NRK: variants seen among roughly 807,000 people sequenced by gnomAD.
NRK encodes the protein nik-related protein kinase.
Under a neutral mutation model 125.2 loss-of-function variants are expected in NRK, and 67 were observed. The observed-to-expected ratio is 0.54, with a 90% CI of 0.44 to 0.66. The LOEUF is 0.66. Among genes scored for constraint, NRK ranks in the 30% least tolerant of loss-of-function variants. The pLI is 0.00. For missense variants in NRK, 1,224 were observed against 1,192.9 expected (o/e 1.03, Z -0.38); for synonymous variants, 458 against 429.0 (o/e 1.07, Z -0.84).
chrX:105,883,617 C>T (rs1188576001), intron 4 of NRK, among the ~76,000 whole-genome samples: 1 of 111,854 alleles, frequency 8.9e-6, no homozygotes, highest in Non-Finnish European at 1.9e-5. Context: ...CAGAGCCCAG[C>T]GCATCTCTTG....
intron 2 of NRK, among the ~76,000 whole-genome samples, chrX:105,872,701 C>A (rs138917187): frequency 9.0e-6 from 1 of 111,424 alleles, no homozygotes; most frequent in Non-Finnish European, 1.9e-5. Flanking sequence ...TGAAAACTTT[C>A]AAATACTAAC....
chrX:105,858,806 G>A (rs910715097), intron 2 of NRK, among the ~76,000 whole-genome samples: 1 of 111,261 alleles, frequency 9.0e-6, no homozygotes, highest in Non-Finnish European at 1.9e-5. Flanking sequence ...ACATCTGTTC[G>A]CCTATATTAG....
intron 19 of NRK, among the ~76,000 whole-genome samples, chrX:105,930,267 T>C (rs907183930): frequency 1.2e-4 from 13 of 111,071 alleles, no homozygotes; most frequent in Non-Finnish European, 2.3e-4. Flanking sequence ...TCTTTTTTTT[T>C]CTCTTTTTTC....
At position 105,923,262 on chromosome X, in the gene NRK, G is replaced by T; in HGVS notation, c.2755G>T (p.Asp919Tyr). The change falls in exon 18 of 29, where the codon GAT becomes TAT. Residue 919 changes from aspartate to tyrosine, a missense_variant. Transcript: ENST00000243300. ...PVIQPPEEDG[D>Y]YVELYDASAD... The stretch of plus-strand genomic sequence containing the variant: ...CATTCAGCCACCTGAAGAGGATGGT[G>T]ATTATGTTGAACTCTATGATGCCAG... 1 of 1,206,546 alleles carries T rather than the reference G, an allele frequency of 8.3e-7. No individual in the cohort carries two copies. The highest frequency in any genetic ancestry group is 1.1e-6 in the Non-Finnish European group (1 of 891,414).
chrX:105,953,131 G>C lies in NRK; in HGVS notation c.4611G>C (p.Arg1537Ser), dbSNP rs1385554195. ...TTCTGGAAAGTGAGCTGAAGCGCAGGTCAATTAAGAAGCTGAGATTCCTGT... is the reference window on the plus strand; with the variant it reads ...TTCTGGAAAGTGAGCTGAAGCGCAGCTCAATTAAGAAGCTGAGATTCCTGT... Reference protein sequence around the residue: ...SRVLESELKRRSIKKLRFLCT... With the variant: ...SRVLESELKRSSIKKLRFLCT... The change falls in exon 28 of 29, where the codon AGG (arginine) becomes AGC (serine). Residue 1537 changes from arginine to serine, a missense_variant. Coordinates refer to ENST00000243300, the MANE Select transcript of NRK (RefSeq NM_198465.4). 1 of 1,196,097 alleles carries C rather than the reference G, an allele frequency of 8.4e-7. No individual in the cohort carries two copies. Among genetic ancestry groups the C allele is most frequent in the Non-Finnish European group, 1.1e-6 (1 of 885,668 alleles).
chrX:105,949,499 C>T (rs2040862292), intron 26 of NRK, 76 bp from the exon 27 acceptor site: 1 of 802,445 alleles, frequency 1.2e-6, no homozygotes, highest in African/African-American at 2.1e-5. Context: ...GTCTTTATTG[C>T]TCTGCCAAGC....
chrX:105,862,029 C>T (rs1460621664), intron 2 of NRK, among the ~76,000 whole-genome samples: 1 of 111,939 alleles, frequency 8.9e-6, no homozygotes, highest in Non-Finnish European at 1.9e-5. Flanking sequence ...CGCCACTGCA[C>T]TCCAGCCTGT....
At chrX:105,904,813 A>G (rs2147740867) in intron 9 of NRK, among the ~76,000 whole-genome samples, 1 of 111,248 alleles carries the variant, frequency 9.0e-6, no homozygotes, top group Non-Finnish European at 1.9e-5. Context: ...TCCAAAACAG[A>G]TGCTTCTAAG....
At chrX:105,848,827 T>C (rs2039433306) in intron 2 of NRK, among the ~76,000 whole-genome samples, 1 of 112,502 alleles carries the variant, frequency 8.9e-6, no homozygotes, top group Non-Finnish European at 1.9e-5. Context: ...TCAATATTTT[T>C]GGACAGAATC....
rs1417778007 is a variant in NRK, at chrX:105,888,206, T to TA, written c.253-88_253-87insA. The TA allele has an allele frequency of 4.4e-5, 31 of 702,136 alleles. No individual in the cohort carries two copies. The South Asian group carries it at 1.2e-3, about 27-fold the overall frequency. The allele number at this position is 702,136 out of a possible 1,213,427, so 57.9% of individuals were successfully genotyped here. A position where few individuals can be genotyped will look rare whatever the true frequency, so the allele number is the denominator to read the frequency against. On this transcript the variant is annotated intron_variant, in intron 4 of 28. Transcript: ENST00000243300. ...TTGGATATAATTAGTTGCCATAGGA[T>TA]TCTCCTTCATTGATATACTGTACTT...
chrX:105,894,784 C>T (rs1340666737), intron 6 of NRK, among the ~76,000 whole-genome samples: 2 of 111,882 alleles, frequency 1.8e-5, no homozygotes, highest in Non-Finnish European at 3.8e-5. Context: ...CAATCCTTGG[C>T]AAAGAATAAG....
intron 2 of NRK, among the ~76,000 whole-genome samples, chrX:105,870,256 A>G (rs1434956464): frequency 8.9e-6 from 1 of 111,967 alleles, no homozygotes; most frequent in Non-Finnish European, 1.9e-5. Context: ...CTTTCCATAT[A>G]CTTTGGTAAA....
chrX:105,924,082 T>C (rs1375268055), intron 18 of NRK, among the ~76,000 whole-genome samples: 4 of 108,956 alleles, frequency 3.7e-5, no homozygotes, highest in Non-Finnish European at 7.6e-5. Flanking sequence ...TTTTGTTTCC[T>C]ATGCAAAAAG....
intron 16 of NRK, among the ~76,000 whole-genome samples, chrX:105,918,569 A>G (rs2040395700): frequency 9.0e-6 from 1 of 111,657 alleles, no homozygotes. Flanking sequence ...ATACACAAAT[A>G]CTATGTTGTG....
chrX:105,895,879 G>A (rs2040076203), intron 7 of NRK, among the ~76,000 whole-genome samples: 1 of 110,747 alleles, frequency 9.0e-6, no homozygotes, highest in Non-Finnish European at 1.9e-5. Context: ...CCAAGGGAAG[G>A]GATTTAAAAA....
intron 5 of NRK, among the ~76,000 whole-genome samples, chrX:105,892,550 A>G (rs1277446435): frequency 1.8e-5 from 2 of 111,910 alleles, no homozygotes; most frequent in Non-Finnish European, 3.8e-5. Context: ...TGACTCACAT[A>G]ATATAAGCAA....
chrX:105,828,128 A>G (rs1448610297), intron 1 of NRK, among the ~76,000 whole-genome samples: 1 of 112,097 alleles, frequency 8.9e-6, no homozygotes, highest in Non-Finnish European at 1.9e-5. Flanking sequence ...CTTTTCCCCA[A>G]TTTAACGTTT....
intron 2 of NRK, among the ~76,000 whole-genome samples, chrX:105,845,914 C>A (rs2039394956): frequency 9.0e-6 from 1 of 111,214 alleles, no homozygotes; most frequent in African/African-American, 3.3e-5. Flanking sequence ...CATTGAGGGG[C>A]TGGGTCAAGA....
chrX:105,903,133 G>A (rs1298483700), intron 9 of NRK, among the ~76,000 whole-genome samples: 4 of 111,589 alleles, frequency 3.6e-5, no homozygotes, highest in Non-Finnish European at 5.6e-5. Context: ...AAGATAATCT[G>A]TGCCTGGAGG....
Sources: allele counts gnomAD v4.1 joint callset (sites outside exome capture counted in the v4.1 genomes callset), GRCh38; gene constraint gnomAD v4.1.1; transcripts MANE v1.5; gene names NCBI Gene and HGNC (gene_info 2026-07-23, HGNC 2026-07-21).